The following HECW2 variants were observed in gnomAD, a reference collection of about 807,000 sequenced individuals.
HECW2 encodes HECT, C2 and WW domain containing E3 ubiquitin protein ligase 2.
Under a neutral mutation model 175.2 loss-of-function variants are expected in HECW2, and 61 were observed. The observed-to-expected ratio is 0.35, with a 90% CI of 0.28 to 0.43. HECW2 has a LOEUF of 0.43. Ranked by LOEUF, HECW2 falls within the 20% of genes least tolerant of loss-of-function variation. The pLI is 1.00. For missense variants in HECW2, 1,524 were observed against 2,000.5 expected (o/e 0.76, Z 4.54); for synonymous variants, 671 against 731.0 (o/e 0.92, Z 1.32).
At chr2:196,577,100 A>C (rs969275190) in intron 1 of HECW2, among the ~76,000 whole-genome samples, 1 of 152,214 alleles carries the variant, frequency 6.6e-6, no homozygotes, top group Non-Finnish European at 1.5e-5. Flanking sequence ...GATAGGCTAG[A>C]ACTTATTAGG....
intron 1 of HECW2, among the ~76,000 whole-genome samples, chr2:196,464,252 A>C (rs1696859167): frequency 6.6e-6 from 1 of 152,186 alleles, no homozygotes; most frequent in Admixed American, 6.5e-5. Context: ...AGGGCCTTTA[A>C]ACATACCCCA....
At chr2:196,539,679 G>A (rs374898913) in intron 1 of HECW2, among the ~76,000 whole-genome samples, 24 of 152,224 alleles carry the variant, frequency 1.6e-4, no homozygotes, top group South Asian at 4.2e-4. Flanking sequence ...TTACGTGTAC[G>A]AGTAATCTCA....
intron 28 of HECW2, among the ~76,000 whole-genome samples, chr2:196,215,133 A>G (rs369265704): frequency 6.6e-6 from 1 of 152,172 alleles, no homozygotes; most frequent in African/African-American, 2.4e-5. Context: ...TCTTTTGTTC[A>G]TATGCTCCTT....
chr2:196,490,876 T>C lies in HECW2; in HGVS notation c.-35-57418A>G, dbSNP rs137980174. ...AACCAAAATACCATATATTGTATGA[T>C]TCTAGTTATAAGAAATATTTAGAAA... On this transcript the variant is annotated intron_variant, in intron 1 of 28. Coordinates refer to ENST00000644978, the MANE Select transcript of HECW2 (RefSeq NM_001348768.2). 3.4e-3 allele frequency among the ~76,000 whole-genome samples: 509 copies of C among 151,490 alleles called. 2 individuals are homozygous for C. The highest frequency in any genetic ancestry group is 0.012 in the African/African-American group (481 of 40,936).
At chr2:196,321,246 G>A (rs1273879651) in intron 7 of HECW2, among the ~76,000 whole-genome samples, 10 of 152,134 alleles carry the variant, frequency 6.6e-5, no homozygotes, top group Admixed American at 5.9e-4. Flanking sequence ...CCTGGGCCCC[G>A]GGCTTGGACT....
At chr2:196,583,318 A>G (rs1316685841) in intron 1 of HECW2, among the ~76,000 whole-genome samples, 1 of 152,238 alleles carries the variant, frequency 6.6e-6, no homozygotes, top group Non-Finnish European at 1.5e-5. Flanking sequence ...GATCTCATCC[A>G]CAGACTGATG....
At chr2:196,520,426 G>A (rs1455662788) in intron 1 of HECW2, among the ~76,000 whole-genome samples, 3 of 152,162 alleles carry the variant, frequency 2.0e-5, no homozygotes, top group Non-Finnish European at 4.4e-5. Context: ...GAATGTGGTT[G>A]CAATTGCCGC....
rs1366307621 is a variant in HECW2 at position 196,433,366 on chromosome 2, G to A, written c.58C>T (p.Arg20Trp). The change falls in exon 2 of 29, where the codon CGG (arginine) becomes TGG (tryptophan). Residue 20 changes from arginine (R) to tryptophan (W), a missense_variant. Transcript: ENST00000644978. ...AGGTTCTCTGGGCTCAATGTGTACC[G>A]CATCTGGGGATTTCGACGCCTCACA... is the stretch of plus-strand genomic sequence containing the variant. ...LFVRRRNPQM[R>W]YTLSPENLQS... The A allele has an allele frequency of 2.5e-6, 4 of 1,613,994 alleles. No individual in the cohort carries two copies. The highest frequency in any genetic ancestry group is 3.4e-6 in the Non-Finnish European group (4 of 1,180,004).
chr2:196,311,089 A>G (rs1691479501), intron 10 of HECW2, among the ~76,000 whole-genome samples: 1 of 152,242 alleles, frequency 6.6e-6, no homozygotes. Context: ...ACACCTGACA[A>G]TCCTATTTTA....
At chr2:196,509,530 A>G (rs1364728198) in intron 1 of HECW2, among the ~76,000 whole-genome samples, 3 of 152,188 alleles carry the variant, frequency 2.0e-5, no homozygotes, top group Non-Finnish European at 4.4e-5. Context: ...TGAAGCTACT[A>G]GGGGCTTCCA....
chr2:196,319,956 C>A (rs763662176), intron 8 of HECW2, 52 bp from the exon 9 acceptor site: 3 of 1,492,046 alleles, frequency 2.0e-6, no homozygotes, highest in Non-Finnish European at 2.7e-6. Flanking sequence ...AATAAGTGAA[C>A]GTTTTATGAC....
intron 1 of HECW2, among the ~76,000 whole-genome samples, chr2:196,449,221 T>C (rs1042082769): frequency 6.6e-6 from 1 of 152,182 alleles, no homozygotes; most frequent in African/African-American, 2.4e-5. Flanking sequence ...AACTAATCCT[T>C]TGGACCTACT....
intron 2 of HECW2, among the ~76,000 whole-genome samples, chr2:196,356,174 T>C (rs1693359905): frequency 6.6e-6 from 1 of 152,184 alleles, no homozygotes; most frequent in Non-Finnish European, 1.5e-5. Flanking sequence ...TATGTGCCAG[T>C]GCTGTTCTAG....
Position 196,200,413 on chromosome 2 carries a change from A to G in HECW2, c.*864T>C, listed in dbSNP as rs1686817514. 6.6e-6 allele frequency: 1 copy of G among 152,590 alleles called. No individual in the cohort carries two copies. Among genetic ancestry groups the G allele is most frequent in the Non-Finnish European group, 1.5e-5 (1 of 68,028 alleles). The allele number at this position is 152,590 out of a possible 1,614,324, so 9.5% of individuals were successfully genotyped here. The stretch of plus-strand genomic sequence containing the variant: ...ATATTAGCATGATGCCCGAGTATGC[A>G]TGGAACATGAAAATGGAATGAGTGA... On this transcript the variant is annotated 3_prime_UTR_variant, in exon 29 of 29. Transcript: ENST00000644978.
intron 1 of HECW2, among the ~76,000 whole-genome samples, chr2:196,572,619 G>A (rs997354912): frequency 1.3e-5 from 2 of 152,220 alleles, no homozygotes; most frequent in African/African-American, 4.8e-5. Flanking sequence ...TAGACTAAAT[G>A]TTTGTGCTTG....
At chr2:196,379,920 AG>A (rs1055165111) in intron 2 of HECW2, among the ~76,000 whole-genome samples, 13 of 149,170 alleles carry the variant, frequency 8.7e-5, no homozygotes, top group Non-Finnish European at 7.4e-5. Flanking sequence ...AAAAAGGATG[AG>A]GGGAGAAGGT....
intron 1 of HECW2, among the ~76,000 whole-genome samples, chr2:196,540,219 A>C (rs1200816513): frequency 6.6e-6 from 1 of 152,202 alleles, no homozygotes; most frequent in Non-Finnish European, 1.5e-5. Flanking sequence ...AAAGATTAAA[A>C]TTTTTTAAAT....
intron 2 of HECW2, among the ~76,000 whole-genome samples, chr2:196,379,808 G>A (rs1424901976): frequency 6.6e-6 from 1 of 151,132 alleles, no homozygotes; most frequent in Non-Finnish European, 1.5e-5. Flanking sequence ...TCAGGACAAT[G>A]GTTACCTTTA....
chr2:196,513,498 AGACCCTGTCT>A (rs1688032475), intron 1 of HECW2, among the ~76,000 whole-genome samples: 1 of 152,218 alleles, frequency 6.6e-6, no homozygotes, highest in African/African-American at 2.4e-5. Flanking sequence ...TGACAGAGTG[AGACCCTGTCT>A]CAAAAAGAAA....
Sources: gnomAD v4.1 joint callset for allele counts (sites outside exome capture counted in the v4.1 genomes callset) on GRCh38, gnomAD v4.1.1 for gene constraint, MANE v1.5 for transcripts, NCBI Gene and HGNC (gene_info 2026-07-23, HGNC 2026-07-21) for gene names.